ATP7B: variants seen among roughly 807,000 people sequenced by gnomAD.
ATP7B encodes the protein ATPase copper transporting beta, also known as copper-transporting ATPase 2.
Under a neutral mutation model 118.9 loss-of-function variants are expected in ATP7B, and 113 were observed. The observed-to-expected ratio is 0.95, with a 90% CI of 0.82 to 1.11. The LOEUF (loss-of-function observed/expected upper bound fraction) is 1.11. Ranked by LOEUF, ATP7B falls within the 50% of genes most tolerant of loss-of-function variation. The probability of loss-of-function intolerance (pLI) is 0.00; values close to 1 mark genes in which losing one functional copy is unlikely to be tolerated. For synonymous variants in ATP7B, 777 were observed against 727.4 expected (o/e 1.07, Z -1.10); for missense variants, 1,867 against 1,871.4 (o/e 1.00, Z 0.04).
chr13:51,954,198 G>C (rs766012810), intron 9 of ATP7B, among the ~76,000 whole-genome samples: 10 of 152,224 alleles, frequency 6.6e-5, no homozygotes, highest in Non-Finnish European at 1.5e-4. Flanking sequence ...TGTGTGCAGA[G>C]GTCTGCAGAG....
intron 9 of ATP7B, among the ~76,000 whole-genome samples, chr13:51,951,574 T>A (rs1321978629): frequency 1.3e-5 from 2 of 152,028 alleles, no homozygotes; most frequent in Admixed American, 1.3e-4. Context: ...TAAGCGCCCC[T>A]AGGAGTGACG....
chr13:51,958,522 T>C lies in ATP7B; in HGVS notation c.2144A>G (p.Tyr715Cys). ...TCTCAGAGATTTGTAGGCCTGAACG[T>C]AGAAGTACCACCCACCGAGGAGCTG... ...FVQLLGGWYFYVQAYKSLRHR... is the reference protein window; with the variant it reads ...FVQLLGGWYFCVQAYKSLRHR... The change falls in exon 8 of 21, where the codon TAC becomes TGC. Residue 715 changes from tyrosine to cysteine, a missense_variant. Transcript: ENST00000242839. 6.2e-7 allele frequency: 1 copy of C among 1,614,100 alleles called. No homozygotes were observed. Among genetic ancestry groups the C allele is most frequent in the Non-Finnish European group, 8.5e-7 (1 of 1,180,008 alleles).
chr13:51,937,640 G>A lies in ATP7B; in HGVS notation c.3739C>T (p.His1247Tyr), dbSNP rs1957050449. 1.9e-6 allele frequency: 3 copies of A among 1,614,128 alleles called. No individual in the cohort carries two copies. The South Asian group carries it at 3.3e-5, about 18-fold the overall frequency. ...NKVFAEVLPS[H>Y]KVAKVQELQN... ...AGCTCCTGGACCTTGGCCACCTTGT[G>A]CGAAGGCAGCACCTCTGCAAAGACT... Residue 1247 changes from histidine (H) to tyrosine (Y), a missense_variant, in exon 18 of 21, where the codon CAC becomes TAC. Coordinates refer to ENST00000242839, the MANE Select transcript of ATP7B (RefSeq NM_000053.4).
intron 5 of ATP7B, chr13:51,964,634 CAAT>C (rs1958968531): frequency 2.0e-6 from 1 of 488,620 alleles, no homozygotes; most frequent in Non-Finnish European, 3.7e-6. Flanking sequence ...AAAATTAAAA[CAAT>C]AATAATGTCT....
rs1396151626 is a variant in ATP7B at position 51,933,180 on chromosome 13, T to C, written c.*1576A>G. 1 of 152,196 alleles carries C rather than the reference T, an allele frequency of 6.6e-6. No individual in the cohort carries two copies. The highest frequency in any genetic ancestry group is 2.4e-5 in the African/African-American group (1 of 41,452). 9.4% of individuals were successfully genotyped at this position (152,196 alleles called of 1,614,324 possible). ...CCAGGAGGCAAGGACCTTTTCCTCG[T>C]TTATTCTTATCAGGAAAACTTCTAT... On this transcript the variant is annotated 3_prime_UTR_variant, in exon 21 of 21. Coordinates refer to ENST00000242839, the MANE Select transcript of ATP7B (RefSeq NM_000053.4).
chr13:51,987,276 CAGAA>C (rs1952701786), intron 1 of ATP7B, among the ~76,000 whole-genome samples: 1 of 152,072 alleles, frequency 6.6e-6, no homozygotes, highest in South Asian at 2.1e-4. Context: ...ACACCAATAA[CAGAA>C]AGCCAAATCA....
chr13:51,973,728 A>G (rs888467552), intron 2 of ATP7B, among the ~76,000 whole-genome samples: 1 of 152,206 alleles, frequency 6.6e-6, no homozygotes, highest in Non-Finnish European at 1.5e-5. Flanking sequence ...CAAAATCCCA[A>G]CTACATGAAA....
At chr13:51,996,013 T>C (rs542143158) in intron 1 of ATP7B, among the ~76,000 whole-genome samples, 1 of 152,328 alleles carries the variant, frequency 6.6e-6, no homozygotes, top group Non-Finnish European at 1.5e-5. Context: ...CTTCCTTTTA[T>C]TACCAAACTG....
chr13:51,950,075 T>G lies in ATP7B; in HGVS notation c.2662A>C (p.Thr888Pro), dbSNP rs1455758826. The G allele has an allele frequency of 6.2e-7, 1 of 1,614,142 alleles. No individual in the cohort carries two copies. Among genetic ancestry groups the G allele is most frequent in the East Asian group, 2.2e-5 (1 of 44,884 alleles). ...NAHGSVLIKA[T>P]HVGNDTTLAQ... Reference sequence around the variant, plus strand: ...AAAGTGGTGTCATTGCCCACGTGGGTAGCTTTAATGAGCACAGAGCCATGT... The same window carrying G: ...AAAGTGGTGTCATTGCCCACGTGGGGAGCTTTAATGAGCACAGAGCCATGT... Residue 888 changes from threonine (T) to proline (P), a missense_variant, in exon 11 of 21, where the codon ACC becomes CCC. By Grantham distance (38) the Thr-to-Pro change is conservative. Coordinates refer to ENST00000242839, the MANE Select transcript of ATP7B (RefSeq NM_000053.4).
At chr13:51,942,136 G>GA (rs1194732635) in intron 15 of ATP7B, among the ~76,000 whole-genome samples, 1 of 152,226 alleles carries the variant, frequency 6.6e-6, no homozygotes, top group Non-Finnish European at 1.5e-5. Flanking sequence ...TATGGGATAA[G>GA]AAAGAGGAGA....
At chr13:51,996,116 C>T (rs761040790) in intron 1 of ATP7B, among the ~76,000 whole-genome samples, 14 of 152,304 alleles carry the variant, frequency 9.2e-5, no homozygotes, top group Non-Finnish European at 2.1e-4. Context: ...ATTTCCTAGG[C>T]AACATGACTT....
At chr13:51,957,820 A>T (rs1958456495) in intron 8 of ATP7B, 2 of 587,088 alleles carry the variant, frequency 3.4e-6, no homozygotes, top group Non-Finnish European at 6.1e-6. Flanking sequence ...GTGCCACTAA[A>T]GTCCGGGAAT....
In ATP7B at chr13:51,974,867, T is replaced by C. The variant is rs1352002305; in HGVS notation, c.353A>G (p.Asp118Gly). 1 of 1,614,212 alleles carries C rather than the reference T, an allele frequency of 6.2e-7. No individual in the cohort carries two copies. Among genetic ancestry groups the C allele is most frequent in the Admixed American group, 1.7e-5 (1 of 60,026 alleles). ...CLQQVCHQIG[D>G]MGFEASIAEG... ...TGCAATGCTGGCCTCGAAGCCCATG[T>C]CCCCAATTTGATGGCAAACCTGTTG... Residue 118 changes from aspartate to glycine, a missense_variant, in exon 2 of 21, where the codon GAC (aspartate) becomes GGC (glycine). Physicochemically the swap from Asp to Gly is moderately conservative, Grantham distance 94. Coordinates refer to ENST00000242839, the MANE Select transcript of ATP7B (RefSeq NM_000053.4).
intron 1 of ATP7B, among the ~76,000 whole-genome samples, chr13:52,007,949 C>T (rs9535833): frequency 0.41 from 61,516 of 151,880 alleles, 14,279 homozygotes; most frequent in East Asian, 0.53. Flanking sequence ...CCAGGAACCA[C>T]CTTCCCAGCA....
chr13:51,993,462 C>T (rs1672914317), intron 1 of ATP7B, among the ~76,000 whole-genome samples: 1 of 152,074 alleles, frequency 6.6e-6, no homozygotes, highest in South Asian at 2.1e-4. Context: ...ACTCAGGGGG[C>T]TGAGGCAGGA....
rs144433614 is a variant in ATP7B at position 51,968,929 on chromosome 13, C to T, written c.1544-322G>A. Reference sequence around the variant, plus strand: ...CAGGCTGGGTACAGTAGCATGATCTCGGCTCACTGCAACCTCTGCCTCCAG... The same window carrying T: ...CAGGCTGGGTACAGTAGCATGATCTTGGCTCACTGCAACCTCTGCCTCCAG... On this transcript the variant is annotated intron_variant, in intron 3 of 20. Coordinates refer to ENST00000242839, the MANE Select transcript of ATP7B (RefSeq NM_000053.4). 2.1e-4 allele frequency among the ~76,000 whole-genome samples: 31 copies of T among 147,614 alleles called. No individual in the cohort carries two copies. The East Asian group carries it at 5.8e-3, about 27-fold the overall frequency.
chr13:51,958,430 C>T lies in ATP7B; in HGVS notation c.2236G>A (p.Val746Ile), dbSNP rs746531706. ...TCAGCCACAGCAACCACCAGGATGACCAGAGAATAAACATAAGCAATGCTT... is the reference window on the plus strand; with the variant it reads ...TCAGCCACAGCAACCACCAGGATGATCAGAGAATAAACATAAGCAATGCTT... The part of the protein sequence containing the change: ...ATSIAYVYSL[V>I]ILVVAVAEKA... The change falls in exon 8 of 21, where the codon GTC becomes ATC. Residue 746 changes from valine to isoleucine, a missense_variant. Coordinates refer to ENST00000242839, the MANE Select transcript of ATP7B (RefSeq NM_000053.4). 29 of 1,614,074 alleles carry T rather than the reference C, an allele frequency of 1.8e-5. No individual in the cohort carries two copies. The highest frequency in any genetic ancestry group is 1.9e-5 in the Non-Finnish European group (23 of 1,180,060).
intron 1 of ATP7B, among the ~76,000 whole-genome samples, chr13:52,010,273 G>C (rs1032708235): frequency 3.3e-5 from 5 of 152,158 alleles, no homozygotes; most frequent in Admixed American, 3.3e-4. Flanking sequence ...CCGGAGCCTA[G>C]ATGAATTCAC....
chr13:51,953,990 G>C (rs1041306353), intron 9 of ATP7B, among the ~76,000 whole-genome samples: 1 of 152,060 alleles, frequency 6.6e-6, no homozygotes, highest in African/African-American at 2.4e-5. Context: ...TTCCACCAGT[G>C]AGTATCTCAG....
Sources: allele counts gnomAD v4.1 joint callset (sites outside exome capture counted in the v4.1 genomes callset), GRCh38; gene constraint gnomAD v4.1.1; transcripts MANE v1.5; gene names NCBI Gene and HGNC (gene_info 2026-07-23, HGNC 2026-07-21).